MTREX: variants seen among roughly 807,000 people sequenced by gnomAD.
MTREX encodes the protein exosome RNA helicase MTR4.
Under a neutral mutation model 135.4 loss-of-function variants are expected in MTREX, and 76 were observed. That is an observed-to-expected ratio of 0.56 (90% CI 0.47 to 0.68). The LOEUF (loss-of-function observed/expected upper bound fraction) is 0.68, where lower values mean the gene tolerates loss of function less well. Ranked by LOEUF, MTREX falls within the 30% of genes least tolerant of loss-of-function variation. MTREX has a pLI of 0.00. For synonymous variants in MTREX, 404 were observed against 401.6 expected (o/e 1.01, Z -0.07); for missense variants, 920 against 1,262.1 (o/e 0.73, Z 4.11).
intron 14 of MTREX, among the ~76,000 whole-genome samples, chr5:55,354,994 G>A (rs1343861836): frequency 1.3e-5 from 2 of 152,190 alleles, no homozygotes; most frequent in African/African-American, 2.4e-5. Flanking sequence ...GGGTGGATTG[G>A]GCGAGGGAAG....
chr5:55,313,503 A>G (rs1424374537), intron 1 of MTREX, among the ~76,000 whole-genome samples: 2 of 152,204 alleles, frequency 1.3e-5, no homozygotes, highest in Non-Finnish European at 2.9e-5. Context: ...TTTCTTATAT[A>G]TACTTACAAT....
In MTREX at chr5:55,354,856, G is replaced by A. The variant is rs141624905; in HGVS notation, c.1533+1587G>A. Among the ~76,000 whole-genome samples, 203 of 152,312 alleles carry A rather than the reference G, an allele frequency of 1.3e-3. 2 individuals carry two copies. In the Middle Eastern group the frequency reaches 0.024, roughly 18 times the overall value. The stretch of plus-strand genomic sequence containing the variant: ...GTGGTGGGGGGAAGGTACCATGACA[G>A]ATTTGAGGATGATTTCTAGTGGACA... On this transcript the variant is annotated intron_variant, in intron 14 of 26. Coordinates refer to ENST00000230640, the MANE Select transcript of MTREX (RefSeq NM_015360.5).
chr5:55,363,552 T>C (rs765374891), intron 15 of MTREX, among the ~76,000 whole-genome samples: 3 of 152,204 alleles, frequency 2.0e-5, no homozygotes, highest in African/African-American at 7.2e-5. Flanking sequence ...GATCCTCTTA[T>C]TAGGCTGTCT....
chr5:55,308,192 G>A (rs1449832132), intron 1 of MTREX, 45 bp downstream of exon 1: 1 of 1,540,684 alleles, frequency 6.5e-7, no homozygotes, highest in East Asian at 2.3e-5. Context: ...TTTTCTCGGT[G>A]GGGAGGAAGA....
At chr5:55,419,889 C>T (rs1177210830) in intron 25 of MTREX, among the ~76,000 whole-genome samples, 1 of 152,086 alleles carries the variant, frequency 6.6e-6, no homozygotes, top group Non-Finnish European at 1.5e-5. Context: ...TCTCACATGC[C>T]TTTCAAGTAG....
At position 55,393,789 on chromosome 5, in the gene MTREX, G is replaced by T. The variant is rs1370953423; in HGVS notation, c.2182-3627G>T. On this transcript the variant is annotated intron_variant, in intron 19 of 26. Coordinates refer to ENST00000230640, the MANE Select transcript of MTREX (RefSeq NM_015360.5). ...TTAGGTTTAGAAAATTGAATAAACT[G>T]CCATATGCAAATATTATGATGTTTT... Among the ~76,000 whole-genome samples, 4 of 152,166 alleles carry T rather than the reference G, an allele frequency of 2.6e-5. No individual in the cohort carries two copies. In the South Asian group the frequency reaches 6.2e-4, roughly 24 times the overall value.
rs1386909632 is a variant in MTREX at position 55,328,579 on chromosome 5, A to C, written c.403-120A>C. ...CTAATGTGTAGTATATTTTCTAAATAAAATCATAAAGGAATACTCCCAGAA... is the reference window on the plus strand; with the variant it reads ...CTAATGTGTAGTATATTTTCTAAATCAAATCATAAAGGAATACTCCCAGAA... On this transcript the variant is annotated intron_variant, in intron 4 of 26. Transcript: ENST00000230640. 4.8e-6 allele frequency: 3 copies of C among 629,748 alleles called. No individual in the cohort carries two copies. In the African/African-American group the frequency reaches 5.6e-5, roughly 12 times the overall value. The allele number at this position is 629,748 out of a possible 1,614,324, so 39.0% of individuals were successfully genotyped here.
intron 19 of MTREX, among the ~76,000 whole-genome samples, chr5:55,396,736 A>G (rs1271439733): frequency 6.6e-6 from 1 of 152,232 alleles, no homozygotes; most frequent in Non-Finnish European, 1.5e-5. Context: ...TGTATTTGCT[A>G]TCAGCAAGCC....
rs999517303 is a variant in MTREX at position 55,386,123 on chromosome 5, G to A, written c.2053-1851G>A. Reference sequence around the variant, plus strand: ...CAGAGGCAGAGGGAGTATCCAAACCGACGAAGAAAACTGTTAGAAGCATTT... The same window carrying A: ...CAGAGGCAGAGGGAGTATCCAAACCAACGAAGAAAACTGTTAGAAGCATTT... On this transcript the variant is annotated intron_variant, in intron 18 of 26. Transcript: ENST00000230640. 3.3e-5 allele frequency among the ~76,000 whole-genome samples: 5 copies of A among 152,110 alleles called. No individual in the cohort carries two copies. The East Asian group carries it at 5.8e-4, about 18-fold the overall frequency.
intron 19 of MTREX, among the ~76,000 whole-genome samples, chr5:55,391,133 C>T (rs1750559490): frequency 6.6e-6 from 1 of 151,970 alleles, no homozygotes; most frequent in Non-Finnish European, 1.5e-5. Flanking sequence ...GTGCACCTAG[C>T]TTAGACCTAA....
At chr5:55,325,028 T>G (rs1293137223) in intron 3 of MTREX, among the ~76,000 whole-genome samples, 1 of 152,192 alleles carries the variant, frequency 6.6e-6, no homozygotes, top group Non-Finnish European at 1.5e-5. Context: ...CAGAGATAGC[T>G]TGTATCCATT....
intron 1 of MTREX, among the ~76,000 whole-genome samples, chr5:55,318,053 T>G (rs1344185235): frequency 6.6e-6 from 1 of 151,958 alleles, no homozygotes; most frequent in Non-Finnish European, 1.5e-5. Context: ...GAATTGCAAA[T>G]CAAAACCACA....
At chr5:55,317,276 C>G (rs1338470628) in intron 1 of MTREX, among the ~76,000 whole-genome samples, 6 of 152,068 alleles carry the variant, frequency 3.9e-5, no homozygotes, top group Non-Finnish European at 7.4e-5. Flanking sequence ...CTTCACAGAA[C>G]TAGAAAAAAC....
intron 21 of MTREX, among the ~76,000 whole-genome samples, chr5:55,404,340 C>G (rs895413222): frequency 2.0e-5 from 3 of 152,184 alleles, no homozygotes; most frequent in Middle Eastern, 6.8e-3. Flanking sequence ...TAAAACTTAT[C>G]TACTCTAAAG....
intron 12 of MTREX, among the ~76,000 whole-genome samples, chr5:55,349,920 G>A (rs780925477): frequency 4.8e-4 from 73 of 152,156 alleles, no homozygotes; most frequent in Non-Finnish European, 9.6e-4. Context: ...AATTTTTAAT[G>A]CTAGTTTTAA....
intron 21 of MTREX, among the ~76,000 whole-genome samples, chr5:55,401,967 T>C (rs1332973208): frequency 1.3e-5 from 2 of 152,216 alleles, no homozygotes; most frequent in Non-Finnish European, 2.9e-5. Context: ...ACAAACTAGA[T>C]TTTAAGCTCC....
intron 23 of MTREX, among the ~76,000 whole-genome samples, chr5:55,411,744 C>T (rs1289544159): frequency 6.6e-6 from 1 of 152,196 alleles, no homozygotes; most frequent in African/African-American, 2.4e-5. Context: ...AAAAGGAATG[C>T]ATTACTTTAC....
chr5:55,392,192 T>A (rs1344124810), intron 19 of MTREX, among the ~76,000 whole-genome samples: 24 of 152,166 alleles, frequency 1.6e-4, no homozygotes, highest in Non-Finnish European at 1.0e-4. Flanking sequence ...TCTGCTTGGT[T>A]AGTTTAATGG....
At chr5:55,366,999 T>C (rs559589040) in intron 16 of MTREX, 124 bp downstream of exon 16, 12 of 660,224 alleles carry the variant, frequency 1.8e-5, no homozygotes, top group Non-Finnish European at 2.8e-5. Flanking sequence ...CGTAATGGAC[T>C]GCACAACTGT....
Sources: allele counts gnomAD v4.1 joint callset (sites outside exome capture counted in the v4.1 genomes callset), GRCh38; gene constraint gnomAD v4.1.1; transcripts MANE v1.5; gene names NCBI Gene and HGNC (gene_info 2026-07-23, HGNC 2026-07-21).